CRYZL1: variants seen among roughly 807,000 people sequenced by gnomAD.
CRYZL1 encodes the protein ferry endosomal RAB5 effector complex subunit 4.
CRYZL1 carries 34 observed loss-of-function variants against 50.6 expected under a neutral mutation model. That is an observed-to-expected ratio of 0.67 (90% CI 0.51 to 0.89). The LOEUF (loss-of-function observed/expected upper bound fraction) is 0.89, where lower values mean the gene tolerates loss of function less well. Among genes scored for constraint, CRYZL1 ranks in the 40% least tolerant of loss-of-function variants. CRYZL1 has a pLI of 0.00. For synonymous variants in CRYZL1, 125 were observed against 134.3 expected (o/e 0.93, Z 0.48); for missense variants, 354 against 402.3 (o/e 0.88, Z 1.03).
At chr21:33,605,766 TG>T (rs1393349467) in intron 6 of CRYZL1, among the ~76,000 whole-genome samples, 1 of 151,858 alleles carries the variant, frequency 6.6e-6, no homozygotes, top group African/African-American at 2.4e-5. Flanking sequence ...TCAGGTGATC[TG>T]CCTACCTTGG....
rs184330082 is a variant in CRYZL1, at chr21:33,641,004, T to G, written c.-7+677A>C. Among the ~76,000 whole-genome samples, 41 of 152,352 alleles carry G rather than the reference T, an allele frequency of 2.7e-4. 1 individual carries two copies. In the East Asian group the frequency reaches 7.7e-3, roughly 29 times the overall value. ...ATTAATTTCACGTGTTTCTTTTCAC[T>G]TTTTAAATGTAGCTACCCCAAAATT... On this transcript the variant is annotated intron_variant, in intron 1 of 12. Transcript: ENST00000381554.
chr21:33,602,971 TA>T (rs1442691756), intron 7 of CRYZL1, among the ~76,000 whole-genome samples: 8 of 152,256 alleles, frequency 5.3e-5, no homozygotes, highest in Non-Finnish European at 1.2e-4. Context: ...TGTCTTGAAC[TA>T]TTTTTTGATA....
At chr21:33,641,292 G>T in intron 1 of CRYZL1, 1 of 1,549,518 alleles carries the variant, frequency 6.5e-7, no homozygotes, top group Non-Finnish European at 8.7e-7. Context: ...AAGTGATGAG[G>T]AAGAAAGAAG....
At chr21:33,636,967 C>G (rs2087213945) in intron 1 of CRYZL1, among the ~76,000 whole-genome samples, 1 of 152,122 alleles carries the variant, frequency 6.6e-6, no homozygotes, top group East Asian at 1.9e-4. Context: ...CCACTGCGCC[C>G]GGCTAATTTT....
intron 11 of CRYZL1, 42 bp downstream of exon 11, chr21:33,595,689 A>C (rs2086686576): frequency 6.2e-7 from 1 of 1,609,150 alleles, no homozygotes; most frequent in African/African-American, 1.3e-5. Context: ...AGTACAGTAC[A>C]AAGTTCAAGC....
intron 6 of CRYZL1, among the ~76,000 whole-genome samples, chr21:33,604,182 C>G (rs1202523941): frequency 6.6e-6 from 1 of 151,926 alleles, no homozygotes; most frequent in African/African-American, 2.4e-5. Context: ...GGTGAAACCC[C>G]GTCTCTACTG....
chr21:33,622,704 T>C (rs887211093), intron 3 of CRYZL1, among the ~76,000 whole-genome samples: 3 of 152,204 alleles, frequency 2.0e-5, no homozygotes, highest in African/African-American at 7.2e-5. Context: ...TAACAGGGTA[T>C]ACTGTCTTTA....
At chr21:33,628,512 G>A (rs1051098120) in intron 2 of CRYZL1, among the ~76,000 whole-genome samples, 10 of 151,342 alleles carry the variant, frequency 6.6e-5, no homozygotes, top group African/African-American at 1.9e-4. Context: ...AGTTTTCATC[G>A]TAGAGATATT....
Position 33,605,530 on chromosome 21 carries a change from C to CTTTTTT in CRYZL1, c.332-1999_332-1994dup, listed in dbSNP as rs146096008. On this transcript the variant is annotated intron_variant, in intron 6 of 12. Coordinates refer to ENST00000381554, the MANE Select transcript of CRYZL1 (RefSeq NM_145858.3). ...GTAATTTTTCCGCAGTACAAGAATT[C>CTTTTTT]TTTTTTTTTTGAGATGGAGTCTCAC... Among the ~76,000 whole-genome samples the CTTTTTT allele has an allele frequency of 1.4e-3, 75 of 53,202 alleles. 24 individuals carry two copies. The highest frequency in any genetic ancestry group is 0.013 in the Middle Eastern group (1 of 80). The allele number at this position is 53,202 out of a possible 152,430, so 34.9% of individuals were successfully genotyped here.
intron 3 of CRYZL1, 95 bp downstream of exon 3, chr21:33,624,588 T>G: frequency 6.5e-7 from 1 of 1,529,462 alleles, no homozygotes; most frequent in Non-Finnish European, 8.7e-7. Context: ...GGTAATAAAT[T>G]CTTCACATTG....
At chr21:33,620,985 A>AG (rs35495655) in intron 4 of CRYZL1, among the ~76,000 whole-genome samples, 118,081 of 118,136 alleles carry the variant, frequency 1, 59,013 homozygotes, top group Middle Eastern at 1. Flanking sequence ...GGCTCACTGC[A>AG]GCTCCGCCCC....
chr21:33,591,025 T>A, intron 12 of CRYZL1, 137 bp downstream of exon 12: 1 of 695,560 alleles, frequency 1.4e-6, no homozygotes, highest in Non-Finnish European at 2.6e-6. Flanking sequence ...ACCACAATTA[T>A]GTTTGCACCA....
At chr21:33,597,200 C>T in intron 10 of CRYZL1, 80 bp downstream of exon 10, 1 of 1,408,544 alleles carries the variant, frequency 7.1e-7, no homozygotes, top group Non-Finnish European at 1.0e-6. Context: ...TCATACCTTG[C>T]CTCAAATAAC....
chr21:33,591,852 G>C (rs528966922), intron 11 of CRYZL1: 1 of 152,548 alleles, frequency 6.6e-6, no homozygotes, highest in South Asian at 2.1e-4. Flanking sequence ...CAGCTACTGG[G>C]GAGGCTGAGG....
At chr21:33,610,892 C>A (rs8126771) in intron 6 of CRYZL1, among the ~76,000 whole-genome samples, 4 of 129,856 alleles carry the variant, frequency 3.1e-5, no homozygotes, top group Admixed American at 1.7e-4. Flanking sequence ...CGACCATGCC[C>A]GGCTAGTTTT....
chr21:33,599,033 A>G, intron 9 of CRYZL1, 117 bp downstream of exon 9: 1 of 885,428 alleles, frequency 1.1e-6, no homozygotes, highest in East Asian at 2.6e-5. Context: ...AACAAAACCT[A>G]AAACTGAACA....
intron 12 of CRYZL1, 96 bp downstream of exon 12, chr21:33,591,066 A>G: frequency 1.2e-6 from 1 of 842,240 alleles, no homozygotes; most frequent in Admixed American, 1.8e-5. Flanking sequence ...GGCAACAGGT[A>G]CATGGCGAGA....
chr21:33,631,389 G>C, intron 2 of CRYZL1, 97 bp downstream of exon 2: 1 of 804,812 alleles, frequency 1.2e-6, no homozygotes, highest in Non-Finnish European at 1.9e-6. Context: ...GAGTAATTTT[G>C]TTCATTAAGT....
intron 12 of CRYZL1, among the ~76,000 whole-genome samples, chr21:33,590,696 G>A (rs1178358113): frequency 2.6e-5 from 4 of 152,166 alleles, no homozygotes; most frequent in Non-Finnish European, 2.9e-5. Flanking sequence ...GATTACAGGC[G>A]TGAGCCACCA....
Sources: gnomAD v4.1 joint callset for allele counts (sites outside exome capture counted in the v4.1 genomes callset) on GRCh38, gnomAD v4.1.1 for gene constraint, MANE v1.5 for transcripts, NCBI Gene and HGNC (gene_info 2026-07-23, HGNC 2026-07-21) for gene names.